ITSN2: variants seen among roughly 807,000 people sequenced by gnomAD.
The protein encoded by ITSN2 is intersectin 2.
ITSN2 carries 156 observed loss-of-function variants against 243.7 expected under a neutral mutation model. That is an observed-to-expected ratio of 0.64 (90% CI 0.56 to 0.73). The LOEUF (loss-of-function observed/expected upper bound fraction) is 0.73. Ranked by LOEUF, ITSN2 falls within the 30% of genes least tolerant of loss-of-function variation. ITSN2 has a pLI of 0.00. For missense variants in ITSN2, 1,801 were observed against 1,996.1 expected (o/e 0.90, Z 1.86); for synonymous variants, 703 against 699.9 (o/e 1.00, Z -0.07).
At chr2:24,254,993 CTG>C (rs1464814723) in intron 23 of ITSN2, among the ~76,000 whole-genome samples, 4 of 152,194 alleles carry the variant, frequency 2.6e-5, no homozygotes, top group South Asian at 2.1e-4. Context: ...GTAAATTACA[CTG>C]TGAGGCAGTT....
intron 1 of ITSN2, among the ~76,000 whole-genome samples, chr2:24,359,934 C>G (rs1258069959): frequency 6.6e-6 from 1 of 152,196 alleles, no homozygotes; most frequent in Non-Finnish European, 1.5e-5. Context: ...CCAGAGCTCT[C>G]TTCTGCTCAC....
chr2:24,300,108 C>T lies in ITSN2; in HGVS notation c.1145G>A (p.Arg382His), dbSNP rs781391253. 159 of 1,614,010 alleles carry T rather than the reference C, an allele frequency of 9.9e-5. No homozygotes were observed. The highest frequency in any genetic ancestry group is 1.3e-4 in the Non-Finnish European group (151 of 1,180,030). Residue 382 changes from arginine to histidine, a missense_variant, in exon 12 of 40, where the codon CGC (arginine) becomes CAC (histidine). Physicochemically the swap from Arg to His is conservative, Grantham distance 29. Around this residue, in one of 5 missense-constraint regions of ITSN2, gnomAD observed 787 missense variants for 803.9 expected, o/e 0.98. Transcript: ENST00000355123. ...TTGTTGCTGCTCCATCAAGGCTTGG[C>T]GTCGCTTTTCCAGCTCCATGTTCCC... ...ERGNMELEKR[R>H]QALMEQQQRE...
intron 1 of ITSN2, among the ~76,000 whole-genome samples, chr2:24,341,287 TC>T (rs772495823): frequency 6.6e-6 from 1 of 152,130 alleles, no homozygotes. Context: ...TAGTGAACAC[TC>T]TATCTAGAAA....
intron 36 of ITSN2, 59 bp downstream of exon 36, chr2:24,209,041 G>C (rs966371806): frequency 6.3e-7 from 1 of 1,595,824 alleles, no homozygotes; most frequent in Non-Finnish European, 8.6e-7. Context: ...TTATGGCAGA[G>C]GGAGACGTCC....
chr2:24,310,398 GGAAAAGTAT>G lies in ITSN2; in HGVS notation c.557-27_557-19del. 1 of 1,609,894 alleles carries G rather than the reference GGAAAAGTAT, an allele frequency of 6.2e-7. No individual in the cohort carries two copies. Among genetic ancestry groups the G allele is most frequent in the Non-Finnish European group, 8.5e-7 (1 of 1,177,358 alleles). On this transcript the variant is annotated intron_variant, in intron 6 of 39. Coordinates refer to ENST00000355123, the MANE Select transcript of ITSN2 (RefSeq NM_006277.3). Reference sequence around the variant, plus strand: ...AGGCAATGCTAAAAAAGAAAAAGAAGGAAAAGTATGAAAGAAATTTGTATCTGTTCAAAC... The same window carrying G: ...AGGCAATGCTAAAAAAGAAAAAGAAGGAAAGAAATTTGTATCTGTTCAAAC...
rs779392501 is a variant in ITSN2, at chr2:24,293,745, G to A, written c.1666C>T (p.Pro556Ser). The A allele has an allele frequency of 1.7e-6, 2 of 1,176,630 alleles. No homozygotes were observed. Among genetic ancestry groups the A allele is most frequent in the Non-Finnish European group, 2.4e-6 (2 of 826,012 alleles). 72.9% of individuals were successfully genotyped at this position (1,176,630 alleles called of 1,614,324 possible). A position where few individuals can be genotyped will look rare whatever the true frequency, so the allele number is the denominator to read the frequency against. Residue 556 changes from proline (P) to serine (S), a missense_variant, in exon 15 of 40, where the codon CCT (proline) becomes TCT (serine). Pro to Ser is a moderately conservative substitution (Grantham distance 74). Around this residue, in one of 5 missense-constraint regions of ITSN2, gnomAD observed 787 missense variants for 803.9 expected, o/e 0.98. Transcript: ENST00000355123. The stretch of plus-strand genomic sequence containing the variant: ...CTTTCATTTAATAATTGCTTCTCAG[G>A]TACCAGATAGATAAGCTTATTCTGA... Reference protein sequence around the residue: ...EYQNKLIYLVPEKQLLNERIK... With the variant: ...EYQNKLIYLVSEKQLLNERIK...
intron 9 of ITSN2, among the ~76,000 whole-genome samples, chr2:24,303,221 A>T (rs892733717): frequency 6.6e-6 from 1 of 152,216 alleles, no homozygotes; most frequent in Admixed American, 6.5e-5. Flanking sequence ...GTCAGGAGAA[A>T]TTCCAGAAGG....
chr2:24,232,980 T>C (rs1297124483), intron 29 of ITSN2, among the ~76,000 whole-genome samples: 2 of 152,194 alleles, frequency 1.3e-5, no homozygotes, highest in Non-Finnish European at 2.9e-5. Context: ...TTACTCTAAC[T>C]CTTTTTTATG....
Position 24,212,679 on chromosome 2 carries a change from T to A in ITSN2, c.4060A>T (p.Ile1354Phe). ...SSFLLKPMQR[I>F]TRYPLLIRSI... Reference sequence around the variant, plus strand: ...CTGATGAGCAGTGGGTAGCGGGTGATCCTCTGCATGGGTTTCAGCAGGAAG... The same window carrying A: ...CTGATGAGCAGTGGGTAGCGGGTGAACCTCTGCATGGGTTTCAGCAGGAAG... The change falls in exon 33 of 40, where the codon ATC (isoleucine) becomes TTC (phenylalanine). Residue 1354 changes from isoleucine (I) to phenylalanine (F), a missense_variant. Coordinates refer to ENST00000355123, the MANE Select transcript of ITSN2 (RefSeq NM_006277.3). 2 of 1,613,062 alleles carry A rather than the reference T, an allele frequency of 1.2e-6. No homozygotes were observed. The highest frequency in any genetic ancestry group is 1.7e-6 in the Non-Finnish European group (2 of 1,179,676).
chr2:24,342,763 C>T (rs1232720905), intron 1 of ITSN2, among the ~76,000 whole-genome samples: 1 of 151,654 alleles, frequency 6.6e-6, no homozygotes, highest in African/African-American at 2.4e-5. Context: ...CTAGTGTGGT[C>T]TGGAAAAATA....
At chr2:24,246,646 A>G (rs1673408577) in intron 28 of ITSN2, 151 bp downstream of exon 28, 2 of 601,676 alleles carry the variant, frequency 3.3e-6, no homozygotes, top group East Asian at 5.8e-5. Context: ...TGAACTTTTC[A>G]GAAAGGAAAT....
At chr2:24,284,957 C>T (rs1180615194) in intron 16 of ITSN2, 114 bp from the exon 17 acceptor site, 17 of 553,390 alleles carry the variant, frequency 3.1e-5, no homozygotes, top group East Asian at 3.5e-5. Context: ...ACTGCAGTGG[C>T]GCAATCTCAG....
chr2:24,220,837 T>C, intron 30 of ITSN2, 108 bp downstream of exon 30: 1 of 1,467,632 alleles, frequency 6.8e-7, no homozygotes. Flanking sequence ...ACATCAAAAG[T>C]GATGCCTTGC....
intron 2 of ITSN2, among the ~76,000 whole-genome samples, chr2:24,318,155 T>A (rs1455987360): frequency 1.3e-5 from 2 of 152,170 alleles, no homozygotes; most frequent in South Asian, 4.1e-4. Flanking sequence ...GTTTCTTTTT[T>A]AAAAAATTTA....
intron 28 of ITSN2, 83 bp downstream of exon 28, chr2:24,246,714 T>G: frequency 1.2e-6 from 1 of 816,348 alleles, no homozygotes; most frequent in Non-Finnish European, 2.0e-6. Context: ...TTTAATGTTT[T>G]CCAAAGATTG....
rs943640098 is a variant in ITSN2 at position 24,257,945 on chromosome 2, C to T, written c.2831G>A (p.Gly944Glu). ...CTTGACATAAGATTTGGGAAACCAT[C>T]CTCTTCCTCCATGCACCTCCCCAAA... Reference protein sequence around the residue: ...WWFGEVHGGRGWFPKSYVKII... With the variant: ...WWFGEVHGGREWFPKSYVKII... The change falls in exon 23 of 40, where the codon GGA becomes GAA. Residue 944 changes from glycine (G) to glutamate (E), a missense_variant. Around this residue, in one of 5 missense-constraint regions of ITSN2, gnomAD observed 928 missense variants for 1,065.4 expected, o/e 0.87. Transcript: ENST00000355123. 6.2e-6 allele frequency: 10 copies of T among 1,613,960 alleles called. No homozygotes were observed. The highest frequency in any genetic ancestry group is 8.5e-6 in the Non-Finnish European group (10 of 1,179,984).
intron 31 of ITSN2, 36 bp from the exon 32 acceptor site, chr2:24,216,268 T>A: frequency 6.6e-7 from 1 of 1,510,474 alleles, no homozygotes; most frequent in Non-Finnish European, 8.9e-7. Flanking sequence ...TGTTTCTAAG[T>A]GAATGACTTA....
intron 15 of ITSN2, among the ~76,000 whole-genome samples, chr2:24,291,068 T>C (rs892265590): frequency 1.3e-5 from 2 of 152,180 alleles, no homozygotes; most frequent in African/African-American, 4.8e-5. Flanking sequence ...ATGTATAGTA[T>C]AGTATAATAT....
intron 35 of ITSN2, 57 bp downstream of exon 35, chr2:24,209,761 G>A: frequency 4.3e-6 from 6 of 1,400,976 alleles, no homozygotes; most frequent in Non-Finnish European, 6.1e-6. Context: ...AAGGCCTTAA[G>A]ATAGAGGCAA....
Sources: allele counts gnomAD v4.1 joint callset (sites outside exome capture counted in the v4.1 genomes callset), GRCh38; gene constraint gnomAD v4.1.1; regional missense constraint gnomAD v4.1.1; transcripts MANE v1.5; gene names NCBI Gene and HGNC (gene_info 2026-07-23, HGNC 2026-07-21).